SLC67A1: variants seen among roughly 807,000 people sequenced by gnomAD.
SLC67A1 encodes solute carrier family 67 member 1.
At chr11:2,902,709 G>A in the SLC67A1 span, 7 of 985,480 alleles carry the variant, frequency 7.1e-6, no homozygotes, top group South Asian at 4.7e-5. Context: ...ACAGCACTCC[G>A]CTGTGGGAGG....
At chr11:2,909,753 C>T in the SLC67A1 span, 5 of 1,419,722 alleles carry the variant, frequency 3.5e-6, no homozygotes, top group East Asian at 2.9e-5. Context: ...GTCAGGACGC[C>T]CGCGGCTGGG....
chr11:2,913,126 T>C, the SLC67A1 span, among the ~76,000 whole-genome samples: 2 of 151,498 alleles, frequency 1.3e-5, no homozygotes, highest in Non-Finnish European at 2.9e-5. Context: ...CGGGGGCAGA[T>C]AGATGCAGGG....
the SLC67A1 span, chr11:2,915,298 C>CGT: frequency 2.5e-6 from 2 of 795,398 alleles, no homozygotes. Flanking sequence ...TGTGTGTGTG[C>CGT]GCATGTGGCT....
At chr11:2,914,593 C>G in the SLC67A1 span, 2 of 526,238 alleles carry the variant, frequency 3.8e-6, no homozygotes, top group Non-Finnish European at 4.9e-6. Context: ...CCTCCAGGGT[C>G]CCCCAGCCCC....
the SLC67A1 span, among the ~76,000 whole-genome samples, chr11:2,912,556 G>T: frequency 6.6e-5 from 10 of 152,168 alleles, no homozygotes; most frequent in Non-Finnish European, 1.5e-4. Flanking sequence ...CCTCTGGAAG[G>T]CCCCAGTCCT....
the SLC67A1 span, among the ~76,000 whole-genome samples, chr11:2,914,415 G>A: frequency 5.7e-4 from 87 of 152,216 alleles, no homozygotes; most frequent in African/African-American, 2.0e-3. Flanking sequence ...GAGGCCCCAG[G>A]GCTGGGGCCA....
At chr11:2,911,330 C>G in the SLC67A1 span, among the ~76,000 whole-genome samples, 1 of 151,882 alleles carries the variant, frequency 6.6e-6, no homozygotes, top group Non-Finnish European at 1.5e-5. Context: ...GATGTGGGAG[C>G]CAAGCACACT....
At chr11:2,922,786 G>C in the SLC67A1 span, among the ~76,000 whole-genome samples, 3 of 152,112 alleles carry the variant, frequency 2.0e-5, no homozygotes, top group African/African-American at 7.2e-5. Flanking sequence ...TAGCCCAGCT[G>C]GGGGCAGGCC....
the SLC67A1 span, chr11:2,909,827 AC>A: frequency 8.7e-7 from 1 of 1,153,678 alleles, no homozygotes; most frequent in Non-Finnish European, 1.2e-6. Context: ...GCGAGTGGCC[AC>A]GTGATGTGGC....
the SLC67A1 span, chr11:2,908,206 TC>T: frequency 2.2e-6 from 3 of 1,388,412 alleles, no homozygotes; most frequent in Non-Finnish European, 2.0e-6. Context: ...TCCCAGCCCC[TC>T]CCCCGGGCTC....
chr11:2,915,948 A>G, the SLC67A1 span, among the ~76,000 whole-genome samples: 4 of 152,224 alleles, frequency 2.6e-5, no homozygotes, highest in Admixed American at 1.3e-4. Flanking sequence ...ATGGCAGGGA[A>G]GCTGACGGTA....
the SLC67A1 span, chr11:2,909,941 T>C: frequency 2.8e-5 from 13 of 472,084 alleles, no homozygotes; most frequent in Non-Finnish European, 4.1e-5. Flanking sequence ...GGGGCGCGAC[T>C]GGACTGCCAA....
the SLC67A1 span, chr11:2,919,585 T>G: frequency 3.4e-6 from 2 of 589,074 alleles, no homozygotes; most frequent in Non-Finnish European, 6.1e-6. Context: ...CCAACTGCAG[T>G]GGTGGGCACG....
chr11:2,906,094 A>G, the SLC67A1 span, among the ~76,000 whole-genome samples: 1 of 152,226 alleles, frequency 6.6e-6, no homozygotes, highest in African/African-American at 2.4e-5. Context: ...GAAGACCTTT[A>G]TGCAGCCAAC....
At chr11:2,905,918 G>C in the SLC67A1 span, among the ~76,000 whole-genome samples, 31 of 152,220 alleles carry the variant, frequency 2.0e-4, no homozygotes, top group African/African-American at 6.0e-4. Context: ...CACAGAAGGG[G>C]ACTGTGCAGA....
the SLC67A1 span, chr11:2,919,491 G>C: frequency 9.8e-7 from 1 of 1,018,310 alleles, no homozygotes; most frequent in Non-Finnish European, 1.5e-6. Context: ...CTCCTCCCCG[G>C]CGGAGGCTGG....
chr11:2,919,686 T>C, the SLC67A1 span: 1 of 493,376 alleles, frequency 2.0e-6, no homozygotes, highest in Non-Finnish European at 3.6e-6. Flanking sequence ...CCAGAGCAAG[T>C]CTCCCAAACT....
At chr11:2,918,381 G>A in the SLC67A1 span, among the ~76,000 whole-genome samples, 1 of 152,218 alleles carries the variant, frequency 6.6e-6, no homozygotes, top group African/African-American at 2.4e-5. Flanking sequence ...GTGGCCCCAC[G>A]TCCTCTCCAG....
the SLC67A1 span, chr11:2,902,485 C>CT: frequency 1.5e-6 from 1 of 688,710 alleles, no homozygotes; most frequent in African/African-American, 2.0e-5. Flanking sequence ...CCCTGCTCCC[C>CT]CCAGCCTCCC....
Sources: allele counts gnomAD v4.1 joint callset (sites outside exome capture counted in the v4.1 genomes callset), GRCh38; gene constraint gnomAD v4.1.1; transcripts MANE v1.5; gene names NCBI Gene and HGNC (gene_info 2026-07-23, HGNC 2026-07-21).